Variants in GABPB1 observed in about 807,000 individuals in gnomAD.
GABPB1 encodes GA-binding protein subunit beta-1.
In GABPB1, 15 loss-of-function variants were observed where a neutral mutation model predicts 45.9. The ratio of observed to expected loss-of-function variants is 0.33; its 90% CI spans 0.22 to 0.50. GABPB1 has a LOEUF of 0.50. Ranked by LOEUF, GABPB1 falls within the 20% of genes least tolerant of loss-of-function variation. The pLI, the probability that GABPB1 is intolerant of heterozygous loss-of-function variation, is 0.98. For missense variants in GABPB1, 252 were observed against 457.5 expected (o/e 0.55, Z 4.10); for synonymous variants, 143 against 154.4 (o/e 0.93, Z 0.55).
intron 1 of GABPB1, among the ~76,000 whole-genome samples, chr15:50,316,177 A>T (rs900738326): frequency 2.0e-5 from 3 of 152,256 alleles, no homozygotes; most frequent in African/African-American, 7.2e-5. Flanking sequence ...CTCCAATTAA[A>T]ATGTATGTTA....
intron 8 of GABPB1, among the ~76,000 whole-genome samples, chr15:50,280,269 G>A (rs1567469058): frequency 1.3e-5 from 2 of 152,118 alleles, no homozygotes; most frequent in Non-Finnish European, 2.9e-5. Context: ...AGCCAAGATA[G>A]GAACAAGTCA....
At chr15:50,317,768 G>T (rs2047396017) in intron 1 of GABPB1, among the ~76,000 whole-genome samples, 1 of 152,052 alleles carries the variant, frequency 6.6e-6, no homozygotes, top group African/African-American at 2.4e-5. Flanking sequence ...AATTAGCTGA[G>T]CGTGGTGATG....
chr15:50,335,523 A>C (rs1288270826), intron 1 of GABPB1, among the ~76,000 whole-genome samples: 2 of 152,216 alleles, frequency 1.3e-5, no homozygotes, highest in African/African-American at 4.8e-5. Flanking sequence ...GGCTTAACAG[A>C]TTCCCTTTTC....
intron 6 of GABPB1, among the ~76,000 whole-genome samples, chr15:50,294,163 A>T (rs1472291102): frequency 6.6e-6 from 1 of 152,170 alleles, no homozygotes; most frequent in African/African-American, 2.4e-5. Context: ...AGGGAAGAAA[A>T]CTGTCTTTGA....
chr15:50,304,246 C>T (rs2046862048), intron 2 of GABPB1, 113 bp from the exon 3 acceptor site: 1 of 736,778 alleles, frequency 1.4e-6, no homozygotes, highest in African/African-American at 1.8e-5. Context: ...ACTCAAAACT[C>T]AAAAGAAATG....
At chr15:50,282,436 C>T (rs924540641) in intron 8 of GABPB1, 1 of 353,780 alleles carries the variant, frequency 2.8e-6, no homozygotes, top group African/African-American at 2.2e-5. Flanking sequence ...GTATAGCGGT[C>T]CCAGCTGCTT....
chr15:50,292,506 C>T (rs12908591), intron 6 of GABPB1, among the ~76,000 whole-genome samples: 27,127 of 151,760 alleles, frequency 0.18, 2,581 homozygotes, highest in Middle Eastern at 0.23. Flanking sequence ...CTGAAAAGAC[C>T]CGGCAGTCAT....
At chr15:50,289,403 T>G in intron 7 of GABPB1, 80 bp downstream of exon 7, 1 of 835,176 alleles carries the variant, frequency 1.2e-6, no homozygotes, top group South Asian at 2.1e-5. Flanking sequence ...ACAATCTTTT[T>G]GGACTGCAGG....
At chr15:50,316,457 C>A (rs2141073526) in intron 1 of GABPB1, among the ~76,000 whole-genome samples, 1 of 152,162 alleles carries the variant, frequency 6.6e-6, no homozygotes, top group African/African-American at 2.4e-5. Flanking sequence ...AATGTTTACA[C>A]CTATTATATT....
At chr15:50,329,891 AC>A (rs1442311175) in intron 1 of GABPB1, among the ~76,000 whole-genome samples, 3 of 142,092 alleles carry the variant, frequency 2.1e-5, no homozygotes, top group Non-Finnish European at 3.1e-5. Context: ...CTTATTCTCC[AC>A]CCTTCCACTC....
At chr15:50,285,133 C>T (rs993540410) in intron 8 of GABPB1, among the ~76,000 whole-genome samples, 1 of 152,088 alleles carries the variant, frequency 6.6e-6, no homozygotes, top group Non-Finnish European at 1.5e-5. Context: ...TAACAAGAAC[C>T]TTTACAAAAA....
chr15:50,312,125 A>C (rs1187457440), intron 1 of GABPB1, among the ~76,000 whole-genome samples: 1 of 152,106 alleles, frequency 6.6e-6, no homozygotes, highest in Non-Finnish European at 1.5e-5. Context: ...TGGGTGAATC[A>C]CTTGAGGTCA....
chr15:50,290,801 A>G (rs2046318774), intron 6 of GABPB1, among the ~76,000 whole-genome samples: 1 of 152,150 alleles, frequency 6.6e-6, no homozygotes, highest in Non-Finnish European at 1.5e-5. Flanking sequence ...AAAATCCCCA[A>G]ATATGCTCTT....
At position 50,289,631 on chromosome 15, in the gene GABPB1, C is replaced by T; in HGVS notation, c.735G>A (p.Val245=). ...TAACTACTTGCTGAATGGCACCATC[C>T]ACAGATTCTGCAGTAACTACTTCTT... ...ATEEVVTAES[V]DGAIQQVVSS... is the part of the protein sequence containing the mutation. Residue 245 remains valine, a synonymous_variant, in exon 7 of 9, where the codon GTG becomes GTA. Transcript: ENST00000380877. The T allele has an allele frequency of 1.2e-6, 2 of 1,612,252 alleles. No individual in the cohort carries two copies. Among genetic ancestry groups the T allele is most frequent in the Non-Finnish European group, 1.7e-6 (2 of 1,179,404 alleles).
intron 1 of GABPB1, among the ~76,000 whole-genome samples, chr15:50,319,839 A>AAAAT (rs3076983): frequency 0.28 from 42,923 of 151,168 alleles, 7,474 homozygotes; most frequent in Middle Eastern, 0.42. Context: ...CTCCGTCTCA[A>AAAAT]AAATAAATAA....
chr15:50,310,240 G>A (rs12438692), intron 1 of GABPB1, among the ~76,000 whole-genome samples: 10,481 of 152,166 alleles, frequency 0.069, 612 homozygotes, highest in East Asian at 0.2. Flanking sequence ...CTACAGGCAT[G>A]CACCACCACA....
At chr15:50,354,578 G>A (rs11537688) in intron 1 of GABPB1, 3 of 448,764 alleles carry the variant, frequency 6.7e-6, no homozygotes, top group Admixed American at 2.4e-5. Context: ...TCTTTCTCCC[G>A]CCCACTGCCA....
At chr15:50,293,855 C>T (rs937319095) in intron 6 of GABPB1, among the ~76,000 whole-genome samples, 7 of 152,064 alleles carry the variant, frequency 4.6e-5, no homozygotes, top group Admixed American at 1.3e-4. Flanking sequence ...AAACAAATTA[C>T]GTAAGACAAA....
intron 1 of GABPB1, among the ~76,000 whole-genome samples, chr15:50,326,143 G>A (rs112046047): frequency 0.026 from 3,908 of 151,800 alleles, 92 homozygotes; most frequent in African/African-American, 0.063. Context: ...CTGACATCAG[G>A]TGATCCACCC....
Sources: gnomAD v4.1 joint callset for allele counts (sites outside exome capture counted in the v4.1 genomes callset) on GRCh38, gnomAD v4.1.1 for gene constraint, MANE v1.5 for transcripts, NCBI Gene and HGNC (gene_info 2026-07-23, HGNC 2026-07-21) for gene names.